TLE1: variants seen among roughly 807,000 people sequenced by gnomAD.
TLE1 encodes transducin-like enhancer protein 1.
In TLE1, 21 loss-of-function variants were observed where a neutral mutation model predicts 89.8. That is an observed-to-expected ratio of 0.23 (90% CI 0.17 to 0.34). TLE1 has a LOEUF of 0.34. Ranked by LOEUF, TLE1 falls within the 10% of genes least tolerant of loss-of-function variation. The pLI, the probability that TLE1 is intolerant of heterozygous loss-of-function variation, is 1.00. For synonymous variants in TLE1, 447 were observed against 407.6 expected, an observed-to-expected ratio of 1.10 and a Z score of -1.16; for missense variants, 795 against 1,031.2, an observed-to-expected ratio of 0.77 and a Z score of 3.14.
At chr9:81,615,483 G>A (rs1244194338) in intron 11 of TLE1, among the ~76,000 whole-genome samples, 2 of 147,684 alleles carry the variant, frequency 1.4e-5, no homozygotes, top group Non-Finnish European at 3.0e-5. Flanking sequence ...GTGGATCAAA[G>A]AGGTCAGGAG....
intron 4 of TLE1, among the ~76,000 whole-genome samples, chr9:81,662,648 A>G (rs1000755236): frequency 9.9e-5 from 15 of 151,668 alleles, no homozygotes; most frequent in Non-Finnish European, 1.9e-4. Flanking sequence ...CAGTGAGCCA[A>G]GATCGCACCA....
chr9:81,585,588 T>C lies in TLE1; in HGVS notation c.2045A>G (p.Glu682Gly). ...LAVGMESSNV[E>G]VLHVNKPDKY... ...GTCAGGCTTGTTCACGTGCAGCACC[T>C]CCACATTGCTGCTCTCCATGCCCAC... Residue 682 changes from glutamate (E) to glycine (G), a missense_variant, in exon 18 of 20, where the codon GAG (glutamate) becomes GGG (glycine). Glu to Gly is a moderately conservative substitution (Grantham distance 98). Transcript: ENST00000376499. 1 of 1,614,084 alleles carries C rather than the reference T, an allele frequency of 6.2e-7. No homozygotes were observed. Among genetic ancestry groups the C allele is most frequent in the Non-Finnish European group, 8.5e-7 (1 of 1,180,014 alleles).
chr9:81,639,439 A>G (rs1172802236), intron 6 of TLE1, among the ~76,000 whole-genome samples: 1 of 152,224 alleles, frequency 6.6e-6, no homozygotes, highest in Non-Finnish European at 1.5e-5. Context: ...CATGACAGGA[A>G]GGATGAGGAA....
chr9:81,597,300 A>C (rs75753435), intron 14 of TLE1, among the ~76,000 whole-genome samples: 7,535 of 152,098 alleles, frequency 0.05, 573 homozygotes, highest in African/African-American at 0.16. Flanking sequence ...CCAAGTGAAG[A>C]TACGTTGAAT....
Position 81,611,897 on chromosome 9 carries a change from G to A in TLE1, c.1126C>T (p.Pro376Ser). ...GPYPAPFGMV[P>S]HAGMNGELTS... is the part of the protein sequence containing the mutation. ...AGCTCGCCGTTCATGCCAGCGTGGG[G>A]GACCATCCCAAAAGGAGCAGGATAT... Residue 376 changes from proline (P) to serine (S), a missense_variant, in exon 13 of 20, where the codon CCC becomes TCC. Coordinates refer to ENST00000376499, the MANE Select transcript of TLE1 (RefSeq NM_005077.5). 1.3e-6 allele frequency: 2 copies of A among 1,535,166 alleles called. No individual in the cohort carries two copies. The highest frequency in any genetic ancestry group is 1.7e-6 in the Non-Finnish European group (2 of 1,145,288).
intron 8 of TLE1, among the ~76,000 whole-genome samples, chr9:81,622,609 T>C (rs7048726): frequency 0.52 from 79,014 of 152,106 alleles, 21,482 homozygotes; most frequent in East Asian, 0.91. Context: ...GTGTTCAAAG[T>C]TACTACTGTA....
intron 17 of TLE1, among the ~76,000 whole-genome samples, chr9:81,587,110 A>G (rs1828596263): frequency 1.3e-5 from 2 of 152,238 alleles, no homozygotes; most frequent in Non-Finnish European, 2.9e-5. Context: ...GTTGCCATTT[A>G]TACATTATTT....
chr9:81,617,070 A>T (rs1463725196), intron 9 of TLE1, among the ~76,000 whole-genome samples: 2 of 150,738 alleles, frequency 1.3e-5, no homozygotes, highest in East Asian at 3.9e-4. Flanking sequence ...GCACACCCTT[A>T]TATCAGAGTT....
At chr9:81,687,496 A>T (rs936132499) in intron 1 of TLE1, 62 bp from the exon 2 acceptor site, 2 of 1,303,026 alleles carry the variant, frequency 1.5e-6, no homozygotes, top group African/African-American at 2.9e-5. Flanking sequence ...TAAAGCAGTA[A>T]GTCAGAGAAG....
At chr9:81,594,603 T>C (rs1022308798) in intron 14 of TLE1, among the ~76,000 whole-genome samples, 2 of 152,156 alleles carry the variant, frequency 1.3e-5, no homozygotes, top group African/African-American at 2.4e-5. Flanking sequence ...CTTTCTTAAC[T>C]TGAAATCACT....
At chr9:81,616,522 A>T in intron 10 of TLE1, 124 bp downstream of exon 10, 1 of 888,284 alleles carries the variant, frequency 1.1e-6, no homozygotes, top group Non-Finnish European at 1.8e-6. Context: ...TTAACTTCTT[A>T]ATGTAAGAAG....
chr9:81,612,206 G>T, intron 12 of TLE1: 1 of 797,544 alleles, frequency 1.3e-6, no homozygotes, highest in Non-Finnish European at 1.7e-6. Context: ...TTGTGTAAAT[G>T]GCAGCACCAG....
chr9:81,655,331 C>G (rs1830031326), intron 4 of TLE1, among the ~76,000 whole-genome samples: 1 of 152,034 alleles, frequency 6.6e-6, no homozygotes, highest in Non-Finnish European at 1.5e-5. Context: ...CCACTGCACT[C>G]CAGCCTGTGC....
chr9:81,589,527 C>T (rs543529784), intron 16 of TLE1, among the ~76,000 whole-genome samples: 2 of 152,228 alleles, frequency 1.3e-5, no homozygotes, highest in South Asian at 4.2e-4. Context: ...CCCCAGGAGC[C>T]GGCACGGAGC....
At chr9:81,667,532 T>TAAC (rs1210074749) in intron 4 of TLE1, among the ~76,000 whole-genome samples, 2 of 151,940 alleles carry the variant, frequency 1.3e-5, no homozygotes, top group East Asian at 3.9e-4. Flanking sequence ...CATACATGAG[T>TAAC]AACAGCTGCC....
At position 81,584,057 on chromosome 9, in the gene TLE1, G is replaced by C; in HGVS notation, c.*141C>G. On this transcript the variant is annotated 3_prime_UTR_variant, in exon 20 of 20. Transcript: ENST00000376499. Reference sequence around the variant, plus strand: ...ATGGACTTGTCGCCTCCTCTTTGTAGACTCAAAGTAGTTTTCTGTCAAGGT... The same window carrying C: ...ATGGACTTGTCGCCTCCTCTTTGTACACTCAAAGTAGTTTTCTGTCAAGGT... 1.4e-6 allele frequency: 1 copy of C among 709,488 alleles called. No homozygotes were observed. The highest frequency in any genetic ancestry group is 4.0e-4 in the Middle Eastern group (1 of 2,526). 43.9% of individuals were successfully genotyped at this position (709,488 alleles called of 1,614,324 possible).
At chr9:81,630,858 T>G (rs897390887) in intron 8 of TLE1, among the ~76,000 whole-genome samples, 4 of 152,216 alleles carry the variant, frequency 2.6e-5, no homozygotes, top group African/African-American at 9.6e-5. Context: ...AGCTACTTAA[T>G]TTTATGTAAC....
intron 4 of TLE1, among the ~76,000 whole-genome samples, chr9:81,661,196 A>G (rs1343624230): frequency 1.2e-4 from 7 of 58,784 alleles, no homozygotes; most frequent in Non-Finnish European, 2.1e-4. Context: ...TTTTATATAT[A>G]TATGTATTTT....
chr9:81,599,808 C>G (rs1448705226), intron 14 of TLE1: 1 of 335,806 alleles, frequency 3.0e-6, no homozygotes, highest in East Asian at 4.4e-5. Flanking sequence ...TAACGGAGGG[C>G]TTTATTAACA....
Sources: allele counts gnomAD v4.1 joint callset (sites outside exome capture counted in the v4.1 genomes callset), GRCh38; gene constraint gnomAD v4.1.1; transcripts MANE v1.5; gene names NCBI Gene and HGNC (gene_info 2026-07-23, HGNC 2026-07-21).